CIB1: variants seen among roughly 807,000 people sequenced by gnomAD.
CIB1 encodes the protein calcium and integrin-binding protein 1.
In CIB1, 19 loss-of-function variants were observed where a neutral mutation model predicts 25.0. The observed-to-expected ratio is 0.76, with a 90% CI of 0.53 to 1.12. The LOEUF (loss-of-function observed/expected upper bound fraction) is 1.12. CIB1 is among the 50% of genes most tolerant of loss of function. CIB1 has a pLI of 0.00. For missense variants in CIB1, 236 were observed against 242.6 expected (o/e 0.97, Z 0.18); for synonymous variants, 104 against 98.5 (o/e 1.06, Z -0.33).
At chr15:90,239,133 AAAGTC>A in the CIB1 span, among the ~76,000 whole-genome samples, 1 of 152,234 alleles carries the variant, frequency 6.6e-6, no homozygotes, top group African/African-American at 2.4e-5. Context: ...GATTGGTTAA[AAAGTC>A]AAGATCCATC....
At chr15:90,232,903 C>T (rs1962534617) in intron 2 of CIB1, among the ~76,000 whole-genome samples, 2 of 151,786 alleles carry the variant, frequency 1.3e-5, no homozygotes, top group African/African-American at 2.4e-5. Context: ...GCACTCCAGC[C>T]TGGGCGACAG....
At chr15:90,256,585 CTTTCTTTCTTTCTTTCTTTCT>C in the CIB1 span, among the ~76,000 whole-genome samples, 25 of 34,616 alleles carry the variant, frequency 7.2e-4, no homozygotes, top group South Asian at 8.5e-3. Flanking sequence ...TTCTTTCTTT[CTTTCTTTCTTTCTTTCTTTCT>C]TTCCTTCCTT....
At chr15:90,265,679 C>T in the CIB1 span, 4 of 1,611,112 alleles carry the variant, frequency 2.5e-6, no homozygotes, top group South Asian at 1.1e-5. Flanking sequence ...GCTGCTGTTT[C>T]GTAGCCGACT....
chr15:90,258,479 T>A, the CIB1 span: 2 of 624,738 alleles, frequency 3.2e-6, no homozygotes, highest in Non-Finnish European at 5.6e-6. Flanking sequence ...ACCGTAGGAA[T>A]GCAGGTTTGG....
the CIB1 span, chr15:90,241,334 T>C: frequency 6.2e-7 from 1 of 1,614,200 alleles, no homozygotes; most frequent in South Asian, 1.1e-5. Context: ...ACCGGGAGCC[T>C]GATCTCCCTG....
chr15:90,261,083 CTT>C, the CIB1 span, among the ~76,000 whole-genome samples: 9 of 140,854 alleles, frequency 6.4e-5, no homozygotes, highest in Admixed American at 1.4e-4. Flanking sequence ...TTCTTGTTTT[CTT>C]TTTTTTTTTT....
the CIB1 span, among the ~76,000 whole-genome samples, chr15:90,239,698 C>A: frequency 6.6e-6 from 1 of 152,196 alleles, no homozygotes; most frequent in Non-Finnish European, 1.5e-5. Context: ...CATAGCCAAA[C>A]CATATCTATC....
At chr15:90,241,431 C>G in the CIB1 span, 9 of 1,613,448 alleles carry the variant, frequency 5.6e-6, no homozygotes, top group Non-Finnish European at 6.8e-6. Context: ...TGAGCCTGCC[C>G]GCCAGCTCCC....
At chr15:90,242,267 T>C in the CIB1 span, 14 of 329,122 alleles carry the variant, frequency 4.3e-5, no homozygotes, top group East Asian at 1.1e-3. Flanking sequence ...TTTTTTTTTT[T>C]TTTTTTTTTT....
the CIB1 span, chr15:90,241,855 G>A: frequency 3.5e-5 from 57 of 1,613,602 alleles, no homozygotes; most frequent in Middle Eastern, 1.6e-4. Flanking sequence ...CTGTGGGCCC[G>A]GAAGTCCAGC....
the CIB1 span, chr15:90,255,645 T>C: frequency 6.6e-7 from 1 of 1,509,212 alleles, no homozygotes; most frequent in Non-Finnish European, 9.1e-7. Context: ...TTACCTCCAC[T>C]GTGACTTCTC....
chr15:90,231,803 C>T (rs933947170), intron 3 of CIB1, among the ~76,000 whole-genome samples: 3 of 152,188 alleles, frequency 2.0e-5, no homozygotes, highest in African/African-American at 4.8e-5. Context: ...ACAAAGGGAA[C>T]GAGATGGGCT....
At chr15:90,235,803 C>T (rs965000924), upstream of CIB1, among the ~76,000 whole-genome samples, 3 of 151,970 alleles carry the variant, frequency 2.0e-5, no homozygotes, top group African/African-American at 7.2e-5. Context: ...CTCCTGACCT[C>T]GTGATTCGCC....
chr15:90,264,983 A>G, the CIB1 span: 1 of 1,528,340 alleles, frequency 6.5e-7, no homozygotes. Context: ...GGAGGGAAGC[A>G]CTCTACCTCT....
Position 90,231,459 on chromosome 15 carries a change from C to G in CIB1, c.244G>C (p.Ala82Pro), listed in dbSNP as rs562237879. 1 of 1,614,228 alleles carries G rather than the reference C, an allele frequency of 6.2e-7. No homozygotes were observed. The highest frequency in any genetic ancestry group is 8.5e-7 in the Non-Finnish European group (1 of 1,180,040). The change falls in exon 4 of 7, where the codon GCC becomes CCC. Residue 82 changes from alanine (A) to proline (P), a missense_variant. By Grantham distance (27) the Ala-to-Pro change is conservative. Transcript: ENST00000328649. ...RICRVFSTSP[A>P]KDSLSFEDFL... ...TCCTCAAAGCTAAGGCTGTCTTTGG[C>G]TGGGGATGTGGAGAAGACCCTGCAG...
At chr15:90,256,547 T>TTCTTTCTTTCTTTCTTTCTTTC in the CIB1 span, among the ~76,000 whole-genome samples, 2 of 23,526 alleles carry the variant, frequency 8.5e-5, no homozygotes, top group African/African-American at 4.3e-4. Flanking sequence ...TCCTTCCTTT[T>TTCTTTCTTTCTTTCTTTCTTTC]TCTTTCTTTC....
chr15:90,253,550 T>C, the CIB1 span, among the ~76,000 whole-genome samples: 1 of 152,208 alleles, frequency 6.6e-6, no homozygotes, highest in African/African-American at 2.4e-5. Context: ...TGTGGGTTTC[T>C]GGAATTACCC....
chr15:90,262,502 G>C, the CIB1 span: 10 of 1,498,564 alleles, frequency 6.7e-6, no homozygotes, highest in Non-Finnish European at 7.9e-6. Flanking sequence ...GCAGCAACTA[G>C]AGGAGATCCG....
chr15:90,253,938 A>C, the CIB1 span, among the ~76,000 whole-genome samples: 1 of 152,224 alleles, frequency 6.6e-6, no homozygotes, highest in Non-Finnish European at 1.5e-5. Context: ...CAGGAAGTTG[A>C]GGAAATTAAA....
Sources: allele counts gnomAD v4.1 joint callset (sites outside exome capture counted in the v4.1 genomes callset), GRCh38; gene constraint gnomAD v4.1.1; transcripts MANE v1.5; gene names NCBI Gene and HGNC (gene_info 2026-07-23, HGNC 2026-07-21).